CD58: variants seen among roughly 807,000 people sequenced by gnomAD.
The protein encoded by CD58 is lymphocyte function-associated antigen 3.
In CD58, 14 loss-of-function variants were observed where a neutral mutation model predicts 27.6. That is an observed-to-expected ratio of 0.51 (90% CI 0.34 to 0.79). CD58 has a LOEUF of 0.79. Ranked by LOEUF, CD58 falls within the 30% of genes least tolerant of loss-of-function variation. The pLI is 0.02. For missense variants in CD58, 268 were observed against 301.7 expected (o/e 0.89, Z 0.83); for synonymous variants, 117 against 103.8 (o/e 1.13, Z -0.77).
In CD58 at chr1:116,544,319, T is replaced by A. The variant is rs144958210; in HGVS notation, c.356A>T (p.Tyr119Phe). 1.4e-4 allele frequency: 224 copies of A among 1,597,592 alleles called. No homozygotes were observed. In the African/African-American group the frequency reaches 2.6e-3, roughly 18 times the overall value. Reference sequence around the variant, plus strand: ...ACTTATGGAATACTCACCAAGCACATAAAGAAAGAACTTCATGGTATCAGT... The same window carrying A: ...ACTTATGGAATACTCACCAAGCACAAAAAGAAAGAACTTCATGGTATCAGT... ...NITDTMKFFL[Y>F]VLESLPSPTL... The change falls in exon 2 of 6, where the codon TAT (tyrosine) becomes TTT (phenylalanine). Residue 119 changes from tyrosine (Y) to phenylalanine (F), a missense_variant. Coordinates refer to ENST00000369489, the MANE Select transcript of CD58 (RefSeq NM_001779.3).
chr1:116,567,174 G>T (rs112560013), intron 1 of CD58, among the ~76,000 whole-genome samples: 234 of 118,546 alleles, frequency 2.0e-3, no homozygotes, highest in African/African-American at 6.4e-3. Flanking sequence ...AACAAAGAAG[G>T]AAAGAAGGGA....
rs1657216721 is a variant in CD58, at chr1:116,519,984, A to C, written c.707-717T>G. On this transcript the variant is annotated intron_variant, in intron 4 of 5. Transcript: ENST00000369489. The surrounding 1 kb of genome is among the most constrained non-coding windows in gnomAD (Gnocchi z 4.7). ...CAATAGGGTTGACTAGAGCTTATAA[A>C]GTTGTCTGTCAACTACAACTAGGCA... Among the ~76,000 whole-genome samples, 1 of 152,238 alleles carries C rather than the reference A, an allele frequency of 6.6e-6. No homozygotes were observed. Among genetic ancestry groups the C allele is most frequent in the Admixed American group, 6.5e-5 (1 of 15,286 alleles).
At position 116,516,144 on chromosome 1, in the gene CD58, T is replaced by C. The variant is rs1657079377; in HGVS notation, c.744-1322A>G. On this transcript the variant is annotated intron_variant, in intron 5 of 5. Coordinates refer to ENST00000369489, the MANE Select transcript of CD58 (RefSeq NM_001779.3). This position sits in a 1 kb window ranked among gnomAD's most constrained non-coding sequence, Gnocchi z 6.1. ...CCTAAACTCAAGCGATCCTCGCACC[T>C]CAGCCTCCCAAGTAGCTGAGACTAC... Among the ~76,000 whole-genome samples the C allele has an allele frequency of 6.6e-6, 1 of 152,144 alleles. No individual in the cohort carries two copies. Among genetic ancestry groups the C allele is most frequent in the Admixed American group, 6.5e-5 (1 of 15,280 alleles).
chr1:116,568,433 AT>A (rs1443088879), intron 1 of CD58, among the ~76,000 whole-genome samples: 1 of 152,192 alleles, frequency 6.6e-6, no homozygotes, highest in Non-Finnish European at 1.5e-5. Flanking sequence ...TTGTTCTAAA[AT>A]TTCAAAAAAA....
chr1:116,523,856 T>C lies in CD58; in HGVS notation c.629-1873A>G, dbSNP rs1657344884. On this transcript the variant is annotated intron_variant, in intron 3 of 5. Transcript: ENST00000369489. This position sits in a 1 kb window ranked among gnomAD's most constrained non-coding sequence, Gnocchi z 4.4. ...AAGCAGCATTTGATTCTTCTCTTTC[T>C]TTATCGTTTTTCAAAATAATGAGTT... Among the ~76,000 whole-genome samples, 1 of 152,256 alleles carries C rather than the reference T, an allele frequency of 6.6e-6. No homozygotes were observed. The highest frequency in any genetic ancestry group is 2.4e-5 in the African/African-American group (1 of 41,466).
intron 1 of CD58, among the ~76,000 whole-genome samples, chr1:116,556,306 A>T (rs472291): frequency 6.9e-6 from 1 of 145,422 alleles, no homozygotes; most frequent in African/African-American, 2.6e-5. Flanking sequence ...ACATATTAAG[A>T]AGGTTTTATT....
chr1:116,519,099 C>T lies in CD58; in HGVS notation c.743+132G>A, dbSNP rs1657184568. ...ACTTAATACACTATGGTTAGTATAT[C>T]TGCTGATGTTACTTCTTATTACTGT... is the stretch of plus-strand genomic sequence containing the variant. On this transcript the variant is annotated intron_variant, in intron 5 of 5. Coordinates refer to ENST00000369489, the MANE Select transcript of CD58 (RefSeq NM_001779.3). The surrounding 1 kb of genome is among the most constrained non-coding windows in gnomAD (Gnocchi z 4.7). The T allele has an allele frequency of 2.7e-6, 4 of 1,508,686 alleles. No individual in the cohort carries two copies. The highest frequency in any genetic ancestry group is 4.2e-5 in the Admixed American group (2 of 47,242). 93.5% of individuals were successfully genotyped at this position (1,508,686 alleles called of 1,614,324 possible). A position where few individuals can be genotyped will look rare whatever the true frequency, so the allele number is the denominator to read the frequency against.
chr1:116,517,819 G>A lies in CD58; in HGVS notation c.743+1412C>T, dbSNP rs188730454. ...CGTGAAGCCCACGCTCCAATTCTGT[G>A]CATGGACATCACTAGCCAGGTAATA... is the stretch of plus-strand genomic sequence containing the variant. On this transcript the variant is annotated intron_variant, in intron 5 of 5. Transcript: ENST00000369489. The surrounding 1 kb of genome is among the most constrained non-coding windows in gnomAD (Gnocchi z 6.5). Among the ~76,000 whole-genome samples, 1 of 152,234 alleles carries A rather than the reference G, an allele frequency of 6.6e-6. No individual in the cohort carries two copies. The highest frequency in any genetic ancestry group is 2.4e-5 in the African/African-American group (1 of 41,540).
chr1:116,544,271 A>G (rs754668157), intron 2 of CD58, 40 bp downstream of exon 2: 6 of 1,443,264 alleles, frequency 4.2e-6, no homozygotes, highest in Non-Finnish European at 5.7e-6. Context: ...AAAAAATGGA[A>G]ATTTGCCATT....
At position 116,534,918 on chromosome 1, in the gene CD58, C is replaced by T. The variant is rs928822289; in HGVS notation, c.628+1047G>A. On this transcript the variant is annotated intron_variant, in intron 3 of 5. Transcript: ENST00000369489. This position sits in a 1 kb window ranked among gnomAD's most constrained non-coding sequence, Gnocchi z 5.3. ...AATTTCATTCATAGACTCACCTTAT[C>T]CCAGCCCTAGAGACTCATATTCTCT... 6.6e-6 allele frequency among the ~76,000 whole-genome samples: 1 copy of T among 152,122 alleles called. No individual in the cohort carries two copies.
In CD58 at chr1:116,557,493, T is replaced by C. The variant is rs903599665; in HGVS notation, c.71-12889A>G. On this transcript the variant is annotated intron_variant, in intron 1 of 5. Transcript: ENST00000369489. This position sits in a 1 kb window ranked among gnomAD's most constrained non-coding sequence, Gnocchi z 5.2. ...AGTAGATTTTACCAACTAAGTGTTATAGGATGCAGGGCACCACACCAGATA... is the reference window on the plus strand; with the variant it reads ...AGTAGATTTTACCAACTAAGTGTTACAGGATGCAGGGCACCACACCAGATA... Among the ~76,000 whole-genome samples, 1 of 152,204 alleles carries C rather than the reference T, an allele frequency of 6.6e-6. No individual in the cohort carries two copies. Among genetic ancestry groups the C allele is most frequent in the Non-Finnish European group, 1.5e-5 (1 of 68,020 alleles).
At position 116,517,116 on chromosome 1, in the gene CD58, C is replaced by A. The variant is rs1255996597; in HGVS notation, c.743+2115G>T. On this transcript the variant is annotated intron_variant, in intron 5 of 5. Coordinates refer to ENST00000369489, the MANE Select transcript of CD58 (RefSeq NM_001779.3). The surrounding 1 kb of genome is among the most constrained non-coding windows in gnomAD (Gnocchi z 6.5). The stretch of plus-strand genomic sequence containing the variant: ...GTAGTGATGGCTATGCCTCCCCCAT[C>A]CACTCAGAGTTCCCCTCCACTGTAA... 6.6e-6 allele frequency among the ~76,000 whole-genome samples: 1 copy of A among 152,044 alleles called. No homozygotes were observed. Among genetic ancestry groups the A allele is most frequent in the African/African-American group, 2.4e-5 (1 of 41,392 alleles).
intron 1 of CD58, among the ~76,000 whole-genome samples, chr1:116,548,436 A>G (rs1571080002): frequency 6.6e-6 from 1 of 152,200 alleles, no homozygotes; most frequent in Admixed American, 6.5e-5. Flanking sequence ...TTCAGGTCTT[A>G]GATTTAAGTT....
rs1658611066 is a variant in CD58 at position 116,557,767 on chromosome 1, G to A, written c.70+13136C>T. Among the ~76,000 whole-genome samples, 1 of 151,826 alleles carries A rather than the reference G, an allele frequency of 6.6e-6. No homozygotes were observed. Among genetic ancestry groups the A allele is most frequent in the South Asian group, 2.1e-4 (1 of 4,802 alleles). On this transcript the variant is annotated intron_variant, in intron 1 of 5. Coordinates refer to ENST00000369489, the MANE Select transcript of CD58 (RefSeq NM_001779.3). The surrounding 1 kb of genome is among the most constrained non-coding windows in gnomAD (Gnocchi z 5.2). Reference sequence around the variant, plus strand: ...TGGCTCACTGTAGCTTCAACCTCCTGGGCTCAAGTGATCCTTCTGCCTCAG... The same window carrying A: ...TGGCTCACTGTAGCTTCAACCTCCTAGGCTCAAGTGATCCTTCTGCCTCAG...
intron 2 of CD58, among the ~76,000 whole-genome samples, chr1:116,542,813 G>A (rs1658034528): frequency 6.6e-6 from 1 of 152,214 alleles, no homozygotes; most frequent in Non-Finnish European, 1.5e-5. Flanking sequence ...GGGCCTACAG[G>A]CTCAGGTATG....
rs1657380232 is a variant in CD58, at chr1:116,524,830, A to G, written c.629-2847T>C. Among the ~76,000 whole-genome samples the G allele has an allele frequency of 1.3e-5, 2 of 152,242 alleles. No individual in the cohort carries two copies. On this transcript the variant is annotated intron_variant, in intron 3 of 5. Coordinates refer to ENST00000369489, the MANE Select transcript of CD58 (RefSeq NM_001779.3). The surrounding 1 kb of genome is among the most constrained non-coding windows in gnomAD (Gnocchi z 4.6). ...ATGCACCCAAATTACTATGTTTTGAAAACACTTGGAATGGTTCCTCTATTT... is the reference window on the plus strand; with the variant it reads ...ATGCACCCAAATTACTATGTTTTGAGAACACTTGGAATGGTTCCTCTATTT...
rs971885195 is a variant in CD58 at position 116,541,236 on chromosome 1, C to G, written c.364+3075G>C. Among the ~76,000 whole-genome samples, 1 of 152,224 alleles carries G rather than the reference C, an allele frequency of 6.6e-6. No homozygotes were observed. Among genetic ancestry groups the G allele is most frequent in the Admixed American group, 6.5e-5 (1 of 15,288 alleles). On this transcript the variant is annotated intron_variant, in intron 2 of 5. Transcript: ENST00000369489. The surrounding 1 kb of genome is among the most constrained non-coding windows in gnomAD (Gnocchi z 5.3). Reference sequence around the variant, plus strand: ...AAAATGTGTGATCTAAATTCTGACTCAATCCTCTTGTTTGTTGGCCCTATC... The same window carrying G: ...AAAATGTGTGATCTAAATTCTGACTGAATCCTCTTGTTTGTTGGCCCTATC...
In CD58 at chr1:116,527,262, T is replaced by C. The variant is rs778908055; in HGVS notation, c.629-5279A>G. Among the ~76,000 whole-genome samples, 6 of 152,228 alleles carry C rather than the reference T, an allele frequency of 3.9e-5. No individual in the cohort carries two copies. The highest frequency in any genetic ancestry group is 8.8e-5 in the Non-Finnish European group (6 of 68,032). ...ATTATTTCCTTATTCTTGGTCTTAG[T>C]TGGAAAGCTTCAAGTTTCTCACCAT... is the stretch of plus-strand genomic sequence containing the variant. On this transcript the variant is annotated intron_variant, in intron 3 of 5. Transcript: ENST00000369489. This position sits in a 1 kb window ranked among gnomAD's most constrained non-coding sequence, Gnocchi z 4.4.
In CD58 at chr1:116,527,910, A is replaced by G. The variant is rs904354658; in HGVS notation, c.629-5927T>C. On this transcript the variant is annotated intron_variant, in intron 3 of 5. Transcript: ENST00000369489. The surrounding 1 kb of genome is among the most constrained non-coding windows in gnomAD (Gnocchi z 4.4). ...CCCAAGTAGCTAGGACTACAGACAC[A>G]TGCCACAACACCTCAGTAACTTTTT... 2.0e-5 allele frequency among the ~76,000 whole-genome samples: 3 copies of G among 152,192 alleles called. No homozygotes were observed. Among genetic ancestry groups the G allele is most frequent in the African/African-American group, 7.2e-5 (3 of 41,434 alleles).
Sources: gnomAD v4.1 joint callset for allele counts (sites outside exome capture counted in the v4.1 genomes callset) on GRCh38, gnomAD v4.1.1 for gene constraint, Gnocchi (gnomAD v3.1) non-coding constraint, MANE v1.5 for transcripts, NCBI Gene and HGNC (gene_info 2026-07-23, HGNC 2026-07-21) for gene names.